Variants in SYNE1 observed in about 807,000 individuals in gnomAD.
SYNE1 encodes spectrin repeat containing nuclear envelope protein 1.
Under a neutral mutation model 1,111.0 loss-of-function variants are expected in SYNE1, and 616 were observed. The ratio of observed to expected loss-of-function variants is 0.55; its 90% CI spans 0.52 to 0.59. The LOEUF is 0.59. Ranked by LOEUF, SYNE1 falls within the 20% of genes least tolerant of loss-of-function variation. SYNE1 has a pLI of 0.00. For synonymous variants in SYNE1, 3,855 were observed against 3,825.8 expected (o/e 1.01, Z -0.28); for missense variants, 10,006 against 10,417.0 (o/e 0.96, Z 1.72).
rs181788812 is a variant in SYNE1, at chr6:152,596,499, G to A, written c.67+31766C>T. ...TTGAACTCTTGACCTCGAGTGATCCGCCCGCCTTGGCCTCCCAAAGTGCTG... is the reference window on the plus strand; with the variant it reads ...TTGAACTCTTGACCTCGAGTGATCCACCCGCCTTGGCCTCCCAAAGTGCTG... On this transcript the variant is annotated intron_variant, in intron 3 of 145. Transcript: ENST00000367255. Among the ~76,000 whole-genome samples, 42 of 152,058 alleles carry A rather than the reference G, an allele frequency of 2.8e-4. No individual in the cohort carries two copies. In the East Asian group the frequency reaches 4.7e-3, roughly 17 times the overall value.
chr6:152,451,769 C>A (rs770653093), intron 25 of SYNE1, among the ~76,000 whole-genome samples: 17 of 152,198 alleles, frequency 1.1e-4, no homozygotes, highest in Non-Finnish European at 1.6e-4. Context: ...GCGTGAGCCA[C>A]TAAGTCTGGC....
chr6:152,164,457 A>G (rs531800118), intron 130 of SYNE1, 132 bp from the exon 131 acceptor site: 350 of 1,026,854 alleles, frequency 3.4e-4, no homozygotes, highest in Non-Finnish European at 4.9e-4. Context: ...AAGAAGCCAA[A>G]GACAGAAGAC....
chr6:152,289,896 G>C (rs955842773), intron 95 of SYNE1, among the ~76,000 whole-genome samples: 13 of 150,518 alleles, frequency 8.6e-5, no homozygotes, highest in African/African-American at 3.2e-4. Flanking sequence ...AAAGTGCTGG[G>C]ATTACAGGCA....
At chr6:152,205,423 T>G (rs1386949733) in intron 126 of SYNE1, among the ~76,000 whole-genome samples, 1 of 152,062 alleles carries the variant, frequency 6.6e-6, no homozygotes, top group Non-Finnish European at 1.5e-5. Context: ...CACATGGAGG[T>G]GGTGAAATTA....
rs1221565528 is a variant in SYNE1, at chr6:152,365,028, A to T, written c.9973-9T>A. The T allele has an allele frequency of 6.2e-7, 1 of 1,614,170 alleles. No individual in the cohort carries two copies. Among genetic ancestry groups the T allele is most frequent in the Admixed American group, 1.7e-5 (1 of 60,030 alleles). On this transcript the variant is annotated splice_polypyrimidine_tract_variant and intron_variant, in intron 62 of 145. Transcript: ENST00000367255. ...TTGACTGATAATAGAGCCTGTGAAA[A>T]CACATACAGAAGTCCTTTGTCATTT... is the stretch of plus-strand genomic sequence containing the variant.
At position 152,149,825 on chromosome 6, in the gene SYNE1, A is replaced by G. The variant is rs2060109719; in HGVS notation, c.24451-157T>C. 2.0e-5 allele frequency among the ~76,000 whole-genome samples: 3 copies of G among 152,258 alleles called. No individual in the cohort carries two copies. The South Asian group carries it at 6.2e-4, about 31-fold the overall frequency. On this transcript the variant is annotated intron_variant, in intron 135 of 145. Transcript: ENST00000367255. The stretch of plus-strand genomic sequence containing the variant: ...ACAAGACAAGAGTCTATTACCTTCT[A>G]AAGTAAAACATATGCATTTTCAGCC...
chr6:152,610,343 A>T lies in SYNE1; in HGVS notation c.67+17922T>A, dbSNP rs1212974295. Among the ~76,000 whole-genome samples, 6 of 152,358 alleles carry T rather than the reference A, an allele frequency of 3.9e-5. No individual in the cohort carries two copies. The South Asian group carries it at 8.3e-4, about 21-fold the overall frequency. ...AAAACCATGGCATGAGAACTTCGAG[A>T]TGCATACACAAGCTTCAATAGCCGA... On this transcript the variant is annotated intron_variant, in intron 3 of 145. Transcript: ENST00000367255.
chr6:152,340,488 C>A (rs541251198), intron 74 of SYNE1, among the ~76,000 whole-genome samples: 1 of 152,144 alleles, frequency 6.6e-6, no homozygotes. Context: ...TCGCGTCTAC[C>A]CACTTAATGC....
At chr6:152,152,176 T>C (rs2060537192) in intron 133 of SYNE1, 35 bp from the exon 134 acceptor site, 4 of 1,599,680 alleles carry the variant, frequency 2.5e-6, no homozygotes, top group Non-Finnish European at 3.4e-6. Context: ...GTGTGAGAAA[T>C]CAGCGAAGGA....
intron 6 of SYNE1, among the ~76,000 whole-genome samples, chr6:152,519,596 G>A (rs573595958): frequency 1.3e-5 from 2 of 152,216 alleles, no homozygotes; most frequent in Admixed American, 1.3e-4. Flanking sequence ...TTTTCTTACA[G>A]AACAATTCCA....
At chr6:152,194,839 T>C (rs1587492710) in intron 127 of SYNE1, among the ~76,000 whole-genome samples, 1 of 151,968 alleles carries the variant, frequency 6.6e-6, no homozygotes, top group Non-Finnish European at 1.5e-5. Context: ...GAATGTCTGA[T>C]TGATTCCTTT....
chr6:152,213,310 A>T (rs1364611776), intron 123 of SYNE1, among the ~76,000 whole-genome samples: 2 of 152,192 alleles, frequency 1.3e-5, no homozygotes, highest in East Asian at 3.8e-4. Flanking sequence ...CTAACTATCT[A>T]TACACGTTCC....
chr6:152,171,379 T>C (rs1563201417), intron 130 of SYNE1, among the ~76,000 whole-genome samples: 1 of 152,176 alleles, frequency 6.6e-6, no homozygotes. Flanking sequence ...ACTCAGCAAA[T>C]ACGGGAGTGA....
Position 152,219,197 on chromosome 6 carries a change from G to A in SYNE1, c.21862-12C>T, listed in dbSNP as rs1181024046. 1 of 1,612,824 alleles carries A rather than the reference G, an allele frequency of 6.2e-7. No individual in the cohort carries two copies. The highest frequency in any genetic ancestry group is 1.1e-5 in the South Asian group (1 of 91,024). ...CCTTTGAGGAGGTCCTAGAAGAGGT[G>A]AAAATATGCCCACTCTGAAGCATGT... On this transcript the variant is annotated splice_polypyrimidine_tract_variant and intron_variant, in intron 119 of 145. Coordinates refer to ENST00000367255, the MANE Select transcript of SYNE1 (RefSeq NM_182961.4).
chr6:152,166,774 T>C (rs1244565363), intron 130 of SYNE1, among the ~76,000 whole-genome samples: 1 of 152,202 alleles, frequency 6.6e-6, no homozygotes, highest in Admixed American at 6.5e-5. Flanking sequence ...ATTGTGTTTT[T>C]ACTACAAATA....
At chr6:152,372,666 C>A (rs1008156629) in intron 59 of SYNE1, among the ~76,000 whole-genome samples, 1 of 152,216 alleles carries the variant, frequency 6.6e-6, no homozygotes, top group Admixed American at 6.5e-5. Context: ...ACACTCTCAT[C>A]TGCAGCATTT....
chr6:152,451,383 C>T (rs1326564500), intron 25 of SYNE1, among the ~76,000 whole-genome samples, 178 bp from the exon 26 acceptor site: 1 of 151,434 alleles, frequency 6.6e-6, no homozygotes, highest in Admixed American at 6.6e-5. Flanking sequence ...AGTACCAGGA[C>T]CACAGCAAAT....
Position 152,471,379 on chromosome 6 carries a change from C to T in SYNE1, c.1632+218G>A, listed in dbSNP as rs141290719. On this transcript the variant is annotated intron_variant, in intron 16 of 145. Transcript: ENST00000367255. ...ATGATTAATGCAGCAAAGCATTAAA[C>T]TAAACTGAACTAGGGGATTTTAAAT... is the stretch of plus-strand genomic sequence containing the variant. Among the ~76,000 whole-genome samples, 7 of 152,176 alleles carry T rather than the reference C, an allele frequency of 4.6e-5. No individual in the cohort carries two copies. The East Asian group carries it at 1.4e-3, about 29-fold the overall frequency.
chr6:152,586,655 TACACACACACACAC>T (rs10530898), intron 3 of SYNE1, among the ~76,000 whole-genome samples: 5,513 of 149,460 alleles, frequency 0.037, 346 homozygotes, highest in African/African-American at 0.13. Flanking sequence ...CATACTCTCA[TACACACACACACAC>T]ACACACACAC....
Sources: gnomAD v4.1 joint callset for allele counts (sites outside exome capture counted in the v4.1 genomes callset) on GRCh38, gnomAD v4.1.1 for gene constraint, MANE v1.5 for transcripts, NCBI Gene and HGNC (gene_info 2026-07-23, HGNC 2026-07-21) for gene names.